Variants in MAML3 observed in about 807,000 individuals in gnomAD.
MAML3 encodes the protein mastermind-like protein 3.
A neutral mutation model predicts 101.9 loss-of-function variants in MAML3; 27 were observed. That is an observed-to-expected ratio of 0.27 (90% CI 0.20 to 0.37). The LOEUF is 0.37. Ranked by LOEUF, MAML3 falls within the 10% of genes least tolerant of loss-of-function variation. MAML3 has a pLI of 1.00. For synonymous variants in MAML3, 501 were observed against 555.9 expected, an observed-to-expected ratio of 0.90 and a Z score of 1.39; for missense variants, 1,316 against 1,444.9, an observed-to-expected ratio of 0.91 and a Z score of 1.45.
At chr4:140,137,376 C>A (rs1273534177) in intron 1 of MAML3, among the ~76,000 whole-genome samples, 1 of 152,150 alleles carries the variant, frequency 6.6e-6, no homozygotes, top group Non-Finnish European at 1.5e-5. Flanking sequence ...CTGTGCCACC[C>A]ATATGGTTGT....
intron 2 of MAML3, among the ~76,000 whole-genome samples, chr4:139,782,583 G>T (rs1470324385): frequency 6.6e-6 from 1 of 152,198 alleles, no homozygotes; most frequent in East Asian, 1.9e-4. Flanking sequence ...ACTTTAACAG[G>T]GCTCTTAGGA....
intron 1 of MAML3, among the ~76,000 whole-genome samples, chr4:139,977,078 G>A (rs1734352799): frequency 6.6e-6 from 1 of 152,170 alleles, no homozygotes; most frequent in African/African-American, 2.4e-5. Flanking sequence ...AGTTCCTGGT[G>A]AGCTGCTTCG....
intron 1 of MAML3, among the ~76,000 whole-genome samples, chr4:140,059,312 G>C (rs950813385): frequency 6.6e-6 from 1 of 152,180 alleles, no homozygotes; most frequent in African/African-American, 2.4e-5. Flanking sequence ...AGGCAAAGTG[G>C]GGATTCAATG....
chr4:139,857,606 G>C (rs1202817410), intron 2 of MAML3, among the ~76,000 whole-genome samples: 1 of 152,140 alleles, frequency 6.6e-6, no homozygotes, highest in East Asian at 1.9e-4. Flanking sequence ...CACCTCCAGT[G>C]ACAAGGACTT....
intron 1 of MAML3, among the ~76,000 whole-genome samples, chr4:140,114,749 C>G (rs1031895575): frequency 6.6e-6 from 1 of 152,224 alleles, no homozygotes; most frequent in Non-Finnish European, 1.5e-5. Context: ...CCCACATTCC[C>G]TTTCCATATT....
At chr4:139,845,294 C>T (rs538697183) in intron 2 of MAML3, among the ~76,000 whole-genome samples, 2 of 152,048 alleles carry the variant, frequency 1.3e-5, no homozygotes, top group Non-Finnish European at 2.9e-5. Context: ...AGACAGAGTA[C>T]ACAGAAGGGA....
chr4:139,854,180 T>C (rs1361954453), intron 2 of MAML3, among the ~76,000 whole-genome samples: 5 of 151,980 alleles, frequency 3.3e-5, no homozygotes, highest in Non-Finnish European at 7.4e-5. Context: ...CTGAGGAATA[T>C]AGCCTCACAG....
chr4:139,792,760 T>C (rs1238595832), intron 2 of MAML3, among the ~76,000 whole-genome samples: 1 of 151,636 alleles, frequency 6.6e-6, no homozygotes, highest in Non-Finnish European at 1.5e-5. Context: ...TTTTTTTTTT[T>C]TTGAGACGGA....
intron 1 of MAML3, among the ~76,000 whole-genome samples, chr4:140,037,241 G>A (rs1560873635): frequency 1.3e-4 from 18 of 138,878 alleles, no homozygotes; most frequent in Admixed American, 1.5e-4. Flanking sequence ...CCCTCTGCTT[G>A]AAAAAAAAAA....
Position 139,865,888 on chromosome 4 carries a change from G to C in MAML3, c.2079+23469C>G, listed in dbSNP as rs375254012. On this transcript the variant is annotated intron_variant, in intron 2 of 4. Transcript: ENST00000509479. ...CATTCTTTGGATACCCGGAGCCCCA[G>C]ATTCTCTGCTTAGAGAATTTCAAGT... is the stretch of plus-strand genomic sequence containing the variant. 2.6e-5 allele frequency among the ~76,000 whole-genome samples: 4 copies of C among 152,380 alleles called. No homozygotes were observed. The East Asian group carries it at 7.7e-4, about 29-fold the overall frequency.
At chr4:139,790,216 C>CATAT (rs367675413) in intron 2 of MAML3, among the ~76,000 whole-genome samples, 27,800 of 109,758 alleles carry the variant, frequency 0.25, 3,578 homozygotes, top group Admixed American at 0.31. Context: ...ACCCTAGTGA[C>CATAT]ATATATATAT....
intron 1 of MAML3, among the ~76,000 whole-genome samples, chr4:140,002,449 A>G (rs1734941680): frequency 6.6e-6 from 1 of 152,240 alleles, no homozygotes; most frequent in South Asian, 2.1e-4. Flanking sequence ...AAAGCAGAAA[A>G]CACAAATATG....
chr4:139,875,509 A>T (rs1342168051), intron 2 of MAML3, among the ~76,000 whole-genome samples: 4 of 152,146 alleles, frequency 2.6e-5, no homozygotes, highest in Non-Finnish European at 2.9e-5. Context: ...TTTCTTTCTC[A>T]ACATAATTAA....
At chr4:139,764,116 G>T (rs79491402) in intron 2 of MAML3, among the ~76,000 whole-genome samples, 9,766 of 152,268 alleles carry the variant, frequency 0.064, 492 homozygotes, top group African/African-American at 0.14. Context: ...TGAAGTAGCA[G>T]TAATCAATAT....
At chr4:139,768,223 TGTG>T (rs1255281301) in intron 2 of MAML3, among the ~76,000 whole-genome samples, 2 of 7,266 alleles carry the variant, frequency 2.8e-4, no homozygotes, top group Non-Finnish European at 5.1e-4. Context: ...TGTTGATAGT[TGTG>T]TGTGTGTGTG....
Position 140,097,645 on chromosome 4 carries a change from G to A in MAML3, c.468+55215C>T, listed in dbSNP as rs1450354274. 2.0e-5 allele frequency among the ~76,000 whole-genome samples: 3 copies of A among 146,894 alleles called. No homozygotes were observed. In the East Asian group the frequency reaches 6.1e-4, roughly 30 times the overall value. ...TGAAGAGTGGCCAGAAAAAAAAAAA[G>A]GTTAATTTTATAAATAATACCAAAG... On this transcript the variant is annotated intron_variant, in intron 1 of 4. Coordinates refer to ENST00000509479, the MANE Select transcript of MAML3 (RefSeq NM_018717.5).
chr4:140,122,588 C>T (rs1050927951), intron 1 of MAML3, among the ~76,000 whole-genome samples: 1 of 151,592 alleles, frequency 6.6e-6, no homozygotes, highest in African/African-American at 2.4e-5. Context: ...GTCAGGAGAT[C>T]GAGACCATCC....
chr4:140,063,717 G>T (rs1246244133), intron 1 of MAML3, among the ~76,000 whole-genome samples: 1 of 151,936 alleles, frequency 6.6e-6, no homozygotes, highest in African/African-American at 2.4e-5. Flanking sequence ...TACTGTAACT[G>T]ACAGTAACTG....
chr4:140,071,677 A>C (rs1294374101), intron 1 of MAML3, among the ~76,000 whole-genome samples: 1 of 151,900 alleles, frequency 6.6e-6, no homozygotes, highest in African/African-American at 2.4e-5. Context: ...ATCCACAGTG[A>C]AACGTATCAG....
Sources: allele counts gnomAD v4.1 joint callset (sites outside exome capture counted in the v4.1 genomes callset), GRCh38; gene constraint gnomAD v4.1.1; transcripts MANE v1.5; gene names NCBI Gene and HGNC (gene_info 2026-07-23, HGNC 2026-07-21).